The following SLC19A1 variants were observed in gnomAD, a reference collection of about 807,000 sequenced individuals.
SLC19A1 encodes the protein reduced folate transporter.
Under a neutral mutation model 35.3 loss-of-function variants are expected in SLC19A1, and 37 were observed. That is an observed-to-expected ratio of 1.05 (90% CI 0.81 to 1.38). The LOEUF is 1.38. SLC19A1 is among the 40% of genes most tolerant of loss of function. SLC19A1 has a pLI of 0.00. For synonymous variants in SLC19A1, 460 were observed against 398.5 expected (o/e 1.15, Z -1.84); for missense variants, 831 against 826.9 (o/e 1.00, Z -0.06).
chr21:45,532,497 G>A (rs1888531), intron 2 of SLC19A1, among the ~76,000 whole-genome samples: 6 of 151,940 alleles, frequency 3.9e-5, no homozygotes, highest in Middle Eastern at 3.2e-3. Context: ...GCAGTGGCAC[G>A]ATCTTAGCTC....
At chr21:45,545,251 C>T (rs1162772971), upstream of SLC19A1, among the ~76,000 whole-genome samples, 2 of 152,112 alleles carry the variant, frequency 1.3e-5, no homozygotes, top group East Asian at 1.9e-4. Context: ...TGGGGCCTGG[C>T]GGGAGGTGTT....
Position 45,530,013 on chromosome 21 carries a change from C to T in SLC19A1, c.1151+757G>A, listed in dbSNP as rs2077808864. ...GGGTGTCCGTGTGTGTGGTGTGTGT[C>T]CATGTGTAAGTATGTGATGCATTCA... On this transcript the variant is annotated intron_variant, in intron 4 of 5. Transcript: ENST00000311124. The surrounding 1 kb of genome is among the most constrained non-coding windows in gnomAD (Gnocchi z 5.3). Among the ~76,000 whole-genome samples, 1 of 136,710 alleles carries T rather than the reference C, an allele frequency of 7.3e-6. No homozygotes were observed. Among genetic ancestry groups the T allele is most frequent in the African/African-American group, 2.8e-5 (1 of 35,610 alleles). The allele number at this position is 136,710 out of a possible 152,430, so 89.7% of individuals were successfully genotyped here.
intron 2 of SLC19A1, among the ~76,000 whole-genome samples, chr21:45,537,035 T>C (rs1166465852): frequency 1.3e-5 from 2 of 152,190 alleles, no homozygotes; most frequent in Non-Finnish European, 2.9e-5. Context: ...TTTGTCCTCA[T>C]GGCTGAGTAA....
At position 45,516,110 on chromosome 21, in the gene SLC19A1, G is replaced by T; in HGVS notation, c.1324C>A (p.Leu442Met). 2 of 1,608,244 alleles carry T rather than the reference G, an allele frequency of 1.2e-6. No individual in the cohort carries two copies. The highest frequency in any genetic ancestry group is 1.7e-6 in the Non-Finnish European group (2 of 1,178,426). ...FQLYSVYFLILSIIYFLGAML... is the reference protein window; with the variant it reads ...FQLYSVYFLIMSIIYFLGAML... ...GCCCCCAAGAAGTAGATGATGGACA[G>T]GATCAGGAAGTACACGGAGTATAAC... Residue 442 changes from leucine (L) to methionine (M), a missense_variant, in exon 6 of 6, where the codon CTG becomes ATG. Transcript: ENST00000311124.
intron 4 of SLC19A1, among the ~76,000 whole-genome samples, chr21:45,529,813 T>G (rs2077793444): frequency 7.0e-6 from 1 of 143,658 alleles, no homozygotes; most frequent in Non-Finnish European, 1.6e-5. Flanking sequence ...GTGTGGTGTG[T>G]CCATGTGAGT....
In SLC19A1 at chr21:45,541,866, T is replaced by C. The variant is rs567273950; in HGVS notation, c.-50+502A>G. ...TTTCCTCCAGACCCGGGGGTGGGAC[T>C]TGGCGCCCCAGGATGACGCGGAGGG... On this transcript the variant is annotated intron_variant, in intron 1 of 5. Coordinates refer to ENST00000311124, the MANE Select transcript of SLC19A1 (RefSeq NM_194255.4). The C allele has an allele frequency of 6.6e-5, 10 of 152,288 alleles. No individual in the cohort carries two copies. In the East Asian group the frequency reaches 1.2e-3, roughly 18 times the overall value. The allele number at this position is 152,288 out of a possible 1,614,324, so 9.4% of individuals were successfully genotyped here.
At chr21:45,556,004 A>G (rs1175702859) in intron 1 of SLC19A1, among the ~76,000 whole-genome samples, 1 of 152,198 alleles carries the variant, frequency 6.6e-6, no homozygotes, top group Non-Finnish European at 1.5e-5. Context: ...GGTTTCCAGG[A>G]AGACCCCCGC....
rs2037706832 is a variant in SLC19A1, at chr21:45,513,171, T to G, written c.*2487A>C. On this transcript the variant is annotated 3_prime_UTR_variant, in exon 6 of 6. Transcript: ENST00000311124. ...GATTCAAGGGACCCATGAGTTGGGG[T>G]CTGGCAGCCTCCCATCCAGGGCCCC... is the stretch of plus-strand genomic sequence containing the variant. The G allele has an allele frequency of 6.6e-6, 1 of 152,308 alleles. No individual in the cohort carries two copies. Among genetic ancestry groups the G allele is most frequent in the Non-Finnish European group, 1.5e-5 (1 of 68,154 alleles). 9.4% of individuals were successfully genotyped at this position (152,308 alleles called of 1,614,324 possible). A position where few individuals can be genotyped will look rare whatever the true frequency, so the allele number is the denominator to read the frequency against.
intron 1 of SLC19A1, among the ~76,000 whole-genome samples, chr21:45,555,585 G>A (rs1164989853): frequency 7.3e-5 from 11 of 150,826 alleles, no homozygotes; most frequent in African/African-American, 9.8e-5. Flanking sequence ...GGCCCCGCGC[G>A]GGGGCTAAGG....
rs2078000601 is a variant in SLC19A1, at chr21:45,533,379, T to C, written c.190-1231A>G. On this transcript the variant is annotated intron_variant, in intron 2 of 5. Transcript: ENST00000311124. This position sits in a 1 kb window ranked among gnomAD's most constrained non-coding sequence, Gnocchi z 4.5. Reference sequence around the variant, plus strand: ...CAGGCAGGCACCAAACGTCCTCAGCTGTCTTGGCAGGGGCCAGGGCTGCTG... The same window carrying C: ...CAGGCAGGCACCAAACGTCCTCAGCCGTCTTGGCAGGGGCCAGGGCTGCTG... Among the ~76,000 whole-genome samples the C allele has an allele frequency of 6.6e-6, 1 of 152,138 alleles. No homozygotes were observed.
At position 45,514,957 on chromosome 21, in the gene SLC19A1, G is replaced by A. The variant is rs12106470; in HGVS notation, c.*701C>T. The A allele has an allele frequency of 3.4e-6, 5 of 1,470,624 alleles. No individual in the cohort carries two copies. In the East Asian group the frequency reaches 8.1e-5, roughly 24 times the overall value. 91.1% of individuals were successfully genotyped at this position (1,470,624 alleles called of 1,614,324 possible). A position where few individuals can be genotyped will look rare whatever the true frequency, so the allele number is the denominator to read the frequency against. On this transcript the variant is annotated 3_prime_UTR_variant, in exon 6 of 6. Transcript: ENST00000311124. ...CCTCCGGGCTGGCACAAGTGTGGGA[G>A]CAGCTGAGGACCCGCAGGTCAGGAT...
Position 45,514,089 on chromosome 21 carries a change from G to A in SLC19A1, c.*1569C>T, listed in dbSNP as rs2146174118. On this transcript the variant is annotated 3_prime_UTR_variant, in exon 6 of 6. Coordinates refer to ENST00000311124, the MANE Select transcript of SLC19A1 (RefSeq NM_194255.4). Reference sequence around the variant, plus strand: ...GAGGCAGGCAGGCAGTGGGTGCAGTGAGCAGGCTGCGGAGGGAGCAGGCCC... The same window carrying A: ...GAGGCAGGCAGGCAGTGGGTGCAGTAAGCAGGCTGCGGAGGGAGCAGGCCC... 1 of 152,832 alleles carries A rather than the reference G, an allele frequency of 6.5e-6. No homozygotes were observed. The highest frequency in any genetic ancestry group is 2.4e-5 in the African/African-American group (1 of 41,596). 9.5% of individuals were successfully genotyped at this position (152,832 alleles called of 1,614,324 possible). A position where few individuals can be genotyped will look rare whatever the true frequency, so the allele number is the denominator to read the frequency against.
chr21:45,537,411 A>G (rs1444051861), intron 2 of SLC19A1, among the ~76,000 whole-genome samples: 1 of 148,940 alleles, frequency 6.7e-6, no homozygotes, highest in Admixed American at 6.7e-5. Context: ...CCGCCCACCC[A>G]TAGGCGGCCG....
Position 45,515,886 on chromosome 21 carries a change from C to T in SLC19A1, c.1548G>A (p.Leu516=). Residue 516 remains leucine, a synonymous_variant, in exon 6 of 6, where the codon CTG becomes CTA. Coordinates refer to ENST00000311124, the MANE Select transcript of SLC19A1 (RefSeq NM_194255.4). ...DSLGAVGPAS[L]EQRQSDPYLA... is the part of the protein sequence containing the mutation. ...GGTATGGGTCGCTCTGTCTCTGCTC[C>T]AGGGAGGCTGGCCCCACAGCCCCCA... The T allele has an allele frequency of 6.4e-7, 1 of 1,565,656 alleles. No individual in the cohort carries two copies. Among genetic ancestry groups the T allele is most frequent in the Non-Finnish European group, 8.7e-7 (1 of 1,155,728 alleles).
intron 1 of SLC19A1, among the ~76,000 whole-genome samples, chr21:45,552,470 C>G (rs776601072): frequency 6.6e-6 from 1 of 152,156 alleles, no homozygotes; most frequent in African/African-American, 2.4e-5. Flanking sequence ...GAGCGACACC[C>G]ACCCGGAGGC....
intron 1 of SLC19A1, among the ~76,000 whole-genome samples, chr21:45,551,557 A>T (rs1400068558): frequency 6.6e-6 from 1 of 152,208 alleles, no homozygotes; most frequent in Non-Finnish European, 1.5e-5. Context: ...CATTACAGAG[A>T]ATGATTCAAA....
downstream of SLC19A1, chr21:45,509,713 TG>T: frequency 1.3e-6 from 1 of 754,890 alleles, no homozygotes; most frequent in Non-Finnish European, 2.3e-6. Context: ...CGGCCATGGG[TG>T]GGGGTCTGGC....
In SLC19A1 at chr21:45,515,497, G is replaced by A; in HGVS notation, c.*161C>T. 1 of 1,507,178 alleles carries A rather than the reference G, an allele frequency of 6.6e-7. No individual in the cohort carries two copies. Among genetic ancestry groups the A allele is most frequent in the Non-Finnish European group, 8.8e-7 (1 of 1,141,210 alleles). The allele number at this position is 1,507,178 out of a possible 1,614,324, so 93.4% of individuals were successfully genotyped here. On this transcript the variant is annotated 3_prime_UTR_variant, in exon 6 of 6. Transcript: ENST00000311124. ...CTGCCCTGAGTGTCGCCAGCACGCTGTGGCCACCGCCAGAGTGCGGCACAG... is the reference window on the plus strand; with the variant it reads ...CTGCCCTGAGTGTCGCCAGCACGCTATGGCCACCGCCAGAGTGCGGCACAG...
At chr21:45,554,639 G>A (rs1468760668) in intron 1 of SLC19A1, among the ~76,000 whole-genome samples, 1 of 146,452 alleles carries the variant, frequency 6.8e-6, no homozygotes, top group Non-Finnish European at 1.5e-5. Context: ...CAGCGGCGTG[G>A]AAACTTCCTT....
Sources: gnomAD v4.1 joint callset for allele counts (sites outside exome capture counted in the v4.1 genomes callset) on GRCh38, gnomAD v4.1.1 for gene constraint, Gnocchi (gnomAD v3.1) non-coding constraint, MANE v1.5 for transcripts, NCBI Gene and HGNC (gene_info 2026-07-23, HGNC 2026-07-21) for gene names.